The following METAP1D variants were observed in gnomAD, a reference collection of about 807,000 sequenced individuals.
The protein encoded by METAP1D is methionyl aminopeptidase type 1D, mitochondrial, also known as methionine aminopeptidase 1D, mitochondrial.
A neutral mutation model predicts 40.5 loss-of-function variants in METAP1D; 31 were observed. The observed-to-expected ratio is 0.77, with a 90% CI of 0.58 to 1.03. The LOEUF is 1.03. METAP1D is among the 50% of genes least tolerant of loss of function. The pLI, the probability that METAP1D is intolerant of heterozygous loss-of-function variation, is 0.00. For missense variants in METAP1D, 411 were observed against 420.7 expected (o/e 0.98, Z 0.20); for synonymous variants, 151 against 146.4 (o/e 1.03, Z -0.22).
intron 1 of METAP1D, among the ~76,000 whole-genome samples, chr2:172,004,891 C>T (rs574478005): frequency 6.6e-5 from 10 of 152,098 alleles, no homozygotes; most frequent in African/African-American, 9.6e-5. Context: ...TATGTGTTTT[C>T]CTCTATTTGA....
intron 1 of METAP1D, among the ~76,000 whole-genome samples, chr2:172,043,024 T>C (rs1689648142): frequency 1.3e-5 from 1 of 78,376 alleles, no homozygotes; most frequent in African/African-American, 3.2e-5. Context: ...TGTACACATA[T>C]ATGTGTATAT....
chr2:172,010,185 G>A (rs1000284741), intron 1 of METAP1D, among the ~76,000 whole-genome samples: 1 of 149,596 alleles, frequency 6.7e-6, no homozygotes, highest in Non-Finnish European at 1.5e-5. Context: ...TTGTCACCCA[G>A]GCTGGAGTGC....
intron 1 of METAP1D, among the ~76,000 whole-genome samples, chr2:172,057,587 G>A (rs2105468305): frequency 6.6e-6 from 1 of 152,318 alleles, no homozygotes; most frequent in East Asian, 1.9e-4. Flanking sequence ...AAAAATAATA[G>A]TAGTAGTAAC....
At chr2:172,028,565 TG>T (rs1689172466) in intron 1 of METAP1D, among the ~76,000 whole-genome samples, 1 of 136,470 alleles carries the variant, frequency 7.3e-6, no homozygotes. Context: ...TGTGTGTGTG[TG>T]TGTGTGTGTG....
In METAP1D at chr2:172,076,091, C is replaced by G. The variant is rs557754649; in HGVS notation, c.705-1706C>G. 2.6e-5 allele frequency among the ~76,000 whole-genome samples: 4 copies of G among 152,124 alleles called. No homozygotes were observed. The East Asian group carries it at 5.8e-4, about 22-fold the overall frequency. On this transcript the variant is annotated intron_variant, in intron 6 of 9. Transcript: ENST00000315796. ...TTTTTTCAGAGTGGGCTTTCTTCCT[C>G]TCCTCTCATCGGAAATTAAAATGAA...
chr2:172,043,096 C>CATAT (rs1240909940), intron 1 of METAP1D, among the ~76,000 whole-genome samples: 9 of 6,030 alleles, frequency 1.5e-3, no homozygotes, highest in African/African-American at 1.9e-3. Context: ...TATTTACATA[C>CATAT]ATATATATAT....
chr2:172,036,511 G>A (rs998204769), intron 1 of METAP1D, among the ~76,000 whole-genome samples: 4 of 150,130 alleles, frequency 2.7e-5, no homozygotes, highest in Non-Finnish European at 4.4e-5. Flanking sequence ...GACTACAGGC[G>A]CCTGCCACCA....
intron 1 of METAP1D, among the ~76,000 whole-genome samples, chr2:172,032,775 A>C (rs181677123): frequency 3.9e-5 from 6 of 152,266 alleles, no homozygotes; most frequent in Admixed American, 2.6e-4. Context: ...AAAAAATTGA[A>C]CTTGAGGCCG....
intron 1 of METAP1D, among the ~76,000 whole-genome samples, chr2:172,049,166 G>A (rs2105455205): frequency 6.6e-6 from 1 of 151,930 alleles, no homozygotes. Flanking sequence ...TGTATTTTTT[G>A]TAGAAACAAG....
At chr2:172,029,583 G>T (rs989517727) in intron 1 of METAP1D, among the ~76,000 whole-genome samples, 2 of 152,164 alleles carry the variant, frequency 1.3e-5, no homozygotes, top group African/African-American at 4.8e-5. Context: ...CAGAGATAGG[G>T]ATTGTTTTCT....
Position 172,081,375 on chromosome 2 carries a change from C to T in METAP1D, c.*969C>T, listed in dbSNP as rs1690711880. The T allele has an allele frequency of 6.6e-6, 1 of 152,322 alleles. No individual in the cohort carries two copies. Among genetic ancestry groups the T allele is most frequent in the African/African-American group, 2.4e-5 (1 of 41,464 alleles). The allele number at this position is 152,322 out of a possible 1,614,324, so 9.4% of individuals were successfully genotyped here. On this transcript the variant is annotated 3_prime_UTR_variant, in exon 10 of 10. Coordinates refer to ENST00000315796, the MANE Select transcript of METAP1D (RefSeq NM_199227.3). Reference sequence around the variant, plus strand: ...CGCAAACGTCAGCTGTTCTGGAAACCGAGAGGGTCCCAGAGAGAGGAGATA... The same window carrying T: ...CGCAAACGTCAGCTGTTCTGGAAACTGAGAGGGTCCCAGAGAGAGGAGATA...
At chr2:172,016,300 A>AAAAAAAATATATATATAT in intron 1 of METAP1D, among the ~76,000 whole-genome samples, 1 of 40,040 alleles carries the variant, frequency 2.5e-5, no homozygotes, top group Non-Finnish European at 4.6e-5. Flanking sequence ...AAAAAAAAAA[A>AAAAAAAATATATATATAT]ATATATATAT....
intron 1 of METAP1D, among the ~76,000 whole-genome samples, chr2:172,027,594 TTGTG>T (rs773375487): frequency 6.6e-6 from 1 of 152,252 alleles, no homozygotes; most frequent in Non-Finnish European, 1.5e-5. Flanking sequence ...ATGACTGTAT[TTGTG>T]TGTGTAAGGA....
intron 1 of METAP1D, among the ~76,000 whole-genome samples, chr2:172,051,133 T>C (rs1390024773): frequency 6.6e-6 from 1 of 152,170 alleles, no homozygotes. Context: ...AATAGCCCTA[T>C]TGTACAAATT....
intron 1 of METAP1D, among the ~76,000 whole-genome samples, chr2:172,007,647 A>G (rs918673604): frequency 2.6e-5 from 4 of 152,194 alleles, no homozygotes; most frequent in Admixed American, 2.0e-4. Flanking sequence ...TGGTTAAGAC[A>G]GGTGGGAATT....
At chr2:172,072,615 G>A (rs900722703) in intron 6 of METAP1D, among the ~76,000 whole-genome samples, 2 of 151,990 alleles carry the variant, frequency 1.3e-5, no homozygotes, top group Non-Finnish European at 2.9e-5. Flanking sequence ...TCCCTGTCTC[G>A]CTATTCCTCC....
At chr2:172,025,251 G>T (rs1322257846) in intron 1 of METAP1D, among the ~76,000 whole-genome samples, 1 of 152,152 alleles carries the variant, frequency 6.6e-6, no homozygotes, top group Non-Finnish European at 1.5e-5. Context: ...TTGGACCACA[G>T]GATATATGGT....
intron 1 of METAP1D, among the ~76,000 whole-genome samples, chr2:172,037,628 A>T (rs1301369135): frequency 6.6e-6 from 1 of 152,220 alleles, no homozygotes; most frequent in Non-Finnish European, 1.5e-5. Context: ...TAAATGGTTA[A>T]GTAACTTGCT....
intron 1 of METAP1D, among the ~76,000 whole-genome samples, chr2:172,029,091 G>A (rs1559000448): frequency 6.6e-6 from 1 of 152,148 alleles, no homozygotes; most frequent in African/African-American, 2.4e-5. Flanking sequence ...TCAAAGTACT[G>A]CTTACTATTG....
Sources: gnomAD v4.1 joint callset for allele counts (sites outside exome capture counted in the v4.1 genomes callset) on GRCh38, gnomAD v4.1.1 for gene constraint, MANE v1.5 for transcripts, NCBI Gene and HGNC (gene_info 2026-07-23, HGNC 2026-07-21) for gene names.